The following TMTC2 variants were observed in gnomAD, a reference collection of about 807,000 sequenced individuals.
TMTC2 encodes transmembrane O-mannosyltransferase targeting cadherins 2, also known as protein O-mannosyl-transferase TMTC2.
A neutral mutation model predicts 82.4 loss-of-function variants in TMTC2; 43 were observed. The ratio of observed to expected loss-of-function variants is 0.52; its 90% CI spans 0.41 to 0.67. The LOEUF is 0.67. Ranked by LOEUF, TMTC2 falls within the 30% of genes least tolerant of loss-of-function variation. TMTC2 has a pLI of 0.00. For synonymous variants in TMTC2, 408 were observed against 381.9 expected (o/e 1.07, Z -0.80); for missense variants, 919 against 1,012.4 (o/e 0.91, Z 1.25).
intron 7 of TMTC2, among the ~76,000 whole-genome samples, chr12:82,972,977 A>T (rs995529903): frequency 1.3e-5 from 2 of 152,146 alleles, no homozygotes; most frequent in Non-Finnish European, 2.9e-5. Context: ...ATGATGGTTT[A>T]TATGCTTAAT....
At chr12:83,029,759 G>A (rs1167121615) in intron 8 of TMTC2, among the ~76,000 whole-genome samples, 2 of 152,168 alleles carry the variant, frequency 1.3e-5, no homozygotes, top group Admixed American at 6.6e-5. Context: ...TACAATGGAG[G>A]TAACTGTGGT....
Position 82,816,850 on chromosome 12 carries a change from T to C in TMTC2, c.84-40160T>C, listed in dbSNP as rs546479741. Among the ~76,000 whole-genome samples, 7 of 152,290 alleles carry C rather than the reference T, an allele frequency of 4.6e-5. No individual in the cohort carries two copies. In the South Asian group the frequency reaches 8.3e-4, roughly 18 times the overall value. On this transcript the variant is annotated intron_variant, in intron 1 of 11. Transcript: ENST00000321196. ...AAAATTTGTGTAAGCAAATAAAATT[T>C]CTGCTTATTCCAGTCTGCACTGTAG... is the stretch of plus-strand genomic sequence containing the variant.
intron 7 of TMTC2, among the ~76,000 whole-genome samples, chr12:82,979,229 G>T (rs1160664259): frequency 2.0e-5 from 3 of 151,300 alleles, no homozygotes; most frequent in Non-Finnish European, 4.4e-5. Flanking sequence ...TTTGTTGTTT[G>T]CTGGTCATTT....
At chr12:82,920,949 G>A (rs1057291055) in intron 3 of TMTC2, among the ~76,000 whole-genome samples, 1 of 152,058 alleles carries the variant, frequency 6.6e-6, no homozygotes, top group African/African-American at 2.4e-5. Context: ...ATGTTAACAG[G>A]AAAATATGAC....
At chr12:82,907,867 A>G (rs536249276) in intron 3 of TMTC2, among the ~76,000 whole-genome samples, 1 of 152,006 alleles carries the variant, frequency 6.6e-6, no homozygotes, top group African/African-American at 2.4e-5. Flanking sequence ...TAATCCCAGC[A>G]CTCTAGGAGG....
At chr12:82,903,981 C>A (rs1294455662) in intron 3 of TMTC2, among the ~76,000 whole-genome samples, 1 of 152,172 alleles carries the variant, frequency 6.6e-6, no homozygotes, top group African/African-American at 2.4e-5. Context: ...GATTGTGTGA[C>A]TGCATCTGTG....
chr12:82,728,958 G>T (rs527419690), intron 1 of TMTC2, among the ~76,000 whole-genome samples: 1 of 152,166 alleles, frequency 6.6e-6, no homozygotes, highest in East Asian at 1.9e-4. Flanking sequence ...CTGCCTCCCC[G>T]CCAGGCAGGG....
intron 1 of TMTC2, among the ~76,000 whole-genome samples, chr12:82,739,070 C>T (rs917020488): frequency 2.0e-5 from 3 of 149,768 alleles, no homozygotes; most frequent in Non-Finnish European, 3.0e-5. Context: ...ATCACTTGAA[C>T]GTGGGAGGTA....
chr12:83,038,544 G>C (rs1418409236), intron 9 of TMTC2, among the ~76,000 whole-genome samples: 1 of 151,938 alleles, frequency 6.6e-6, no homozygotes, highest in Non-Finnish European at 1.5e-5. Context: ...TGAAATATCT[G>C]ATCTAAATAT....
intron 1 of TMTC2, among the ~76,000 whole-genome samples, chr12:82,722,614 C>G (rs1050946758): frequency 6.7e-6 from 1 of 148,910 alleles, no homozygotes; most frequent in African/African-American, 2.5e-5. Flanking sequence ...TGGTGGTGCA[C>G]GCCTGTGATC....
At chr12:82,914,754 A>T (rs981935819) in intron 3 of TMTC2, among the ~76,000 whole-genome samples, 2 of 151,776 alleles carry the variant, frequency 1.3e-5, no homozygotes, top group Non-Finnish European at 2.9e-5. Context: ...GGAGTTACAC[A>T]TCTATGTTAA....
In TMTC2 at chr12:83,089,235, C is replaced by T. The variant is rs1431959257; in HGVS notation, c.2331+27404C>T. 4.6e-5 allele frequency among the ~76,000 whole-genome samples: 7 copies of T among 152,198 alleles called. No homozygotes were observed. In the East Asian group the frequency reaches 5.8e-4, roughly 13 times the overall value. Reference sequence around the variant, plus strand: ...CTAACTTATGCTTTTTTGGAGCATCCGTTCGTTTGTACTATTTTATAAAAC... The same window carrying T: ...CTAACTTATGCTTTTTTGGAGCATCTGTTCGTTTGTACTATTTTATAAAAC... On this transcript the variant is annotated intron_variant, in intron 11 of 11. Coordinates refer to ENST00000321196, the MANE Select transcript of TMTC2 (RefSeq NM_152588.3).
chr12:82,803,649 A>G (rs919981194), intron 1 of TMTC2, among the ~76,000 whole-genome samples: 4 of 152,088 alleles, frequency 2.6e-5, no homozygotes, highest in African/African-American at 9.7e-5. Context: ...GCTTCGGTTG[A>G]GCATGCATAC....
intron 8 of TMTC2, 153 bp downstream of exon 8, chr12:82,986,199 G>C: frequency 1.0e-6 from 1 of 999,928 alleles, no homozygotes; most frequent in Admixed American, 2.5e-5. Flanking sequence ...AGAAAATATA[G>C]AAAAATGTGT....
chr12:82,870,662 A>AT (rs1872128725), intron 2 of TMTC2, among the ~76,000 whole-genome samples: 1 of 152,166 alleles, frequency 6.6e-6, no homozygotes, highest in Non-Finnish European at 1.5e-5. Context: ...ATGCGGTGGG[A>AT]TTTTTAAAAA....
chr12:82,934,019 T>C lies in TMTC2; in HGVS notation c.1598+3474T>C, dbSNP rs145717601. ...GATAATTTTAATTTTTTTTCTTTAG[T>C]AGCAGTAGCTTCAATTACCTCTGTG... On this transcript the variant is annotated intron_variant, in intron 4 of 11. Transcript: ENST00000321196. 3.0e-3 allele frequency among the ~76,000 whole-genome samples: 461 copies of C among 152,300 alleles called. 10 individuals carry two copies. The highest frequency in any genetic ancestry group is 1.2e-3 in the East Asian group (6 of 5,174).
chr12:82,855,839 T>C (rs909618665), intron 1 of TMTC2, among the ~76,000 whole-genome samples: 6 of 152,368 alleles, frequency 3.9e-5, no homozygotes, highest in East Asian at 3.9e-4. Context: ...AGCTTTGATA[T>C]GGTAATGAAA....
intron 10 of TMTC2, among the ~76,000 whole-genome samples, chr12:83,054,692 T>C (rs2137462405): frequency 6.6e-6 from 1 of 151,446 alleles, no homozygotes; most frequent in Non-Finnish European, 1.5e-5. Context: ...CATGTAGTTT[T>C]ATATAGCATA....
In TMTC2 at chr12:82,739,108, A is replaced by G. The variant is rs1308897449; in HGVS notation, c.83+51439A>G. Among the ~76,000 whole-genome samples the G allele has an allele frequency of 2.0e-5, 3 of 150,702 alleles. No individual in the cohort carries two copies. In the Admixed American group the frequency reaches 2.0e-4, roughly 10 times the overall value. ...GGTTGCAGTGAGGTGAGATCATGCCACTGCACTCTAGCCTGGGCGACAGAG... is the reference window on the plus strand; with the variant it reads ...GGTTGCAGTGAGGTGAGATCATGCCGCTGCACTCTAGCCTGGGCGACAGAG... On this transcript the variant is annotated intron_variant, in intron 1 of 11. Transcript: ENST00000321196.
Sources: allele counts gnomAD v4.1 joint callset (sites outside exome capture counted in the v4.1 genomes callset), GRCh38; gene constraint gnomAD v4.1.1; transcripts MANE v1.5; gene names NCBI Gene and HGNC (gene_info 2026-07-23, HGNC 2026-07-21).